Variants in PGM5 observed in about 807,000 individuals in gnomAD.
PGM5 encodes phosphoglucomutase 5, also known as phosphoglucomutase-like protein 5.
In PGM5, 23 loss-of-function variants were observed where a neutral mutation model predicts 59.2. The ratio of observed to expected loss-of-function variants is 0.39; its 90% confidence interval spans 0.28 to 0.55. The LOEUF is 0.55. Among genes scored for constraint, PGM5 ranks in the 20% least tolerant of loss-of-function variants. PGM5 has a pLI of 0.66. For missense variants in PGM5, 574 were observed against 748.3 expected, an observed-to-expected ratio of 0.77 and a Z score of 2.72; for synonymous variants, 214 against 286.0, an observed-to-expected ratio of 0.75 and a Z score of 2.54.
intron 6 of PGM5, among the ~76,000 whole-genome samples, chr9:68,461,485 T>C (rs1349240105): frequency 2.1e-4 from 32 of 152,210 alleles, no homozygotes; most frequent in Admixed American, 2.0e-3. Context: ...TCAATATTCA[T>C]GTTGGAACTT....
At chr9:68,510,774 A>G (rs1824736643) in intron 10 of PGM5, among the ~76,000 whole-genome samples, 1 of 152,208 alleles carries the variant, frequency 6.6e-6, no homozygotes, top group Non-Finnish European at 1.5e-5. Flanking sequence ...TTAGGAAGAT[A>G]AAAGTTACAG....
At chr9:68,481,563 C>T (rs952964658) in intron 8 of PGM5, among the ~76,000 whole-genome samples, 4 of 152,150 alleles carry the variant, frequency 2.6e-5, no homozygotes, top group African/African-American at 7.2e-5. Flanking sequence ...CTAGTGAGAT[C>T]GCTTTGAGTC....
At chr9:68,493,213 C>T (rs2132100624) in intron 9 of PGM5, among the ~76,000 whole-genome samples, 1 of 152,282 alleles carries the variant, frequency 6.6e-6, no homozygotes, top group South Asian at 2.1e-4. Flanking sequence ...TATCTGGCAG[C>T]TCTGTGTGTA....
chr9:68,422,645 G>A (rs1156509787), intron 6 of PGM5, among the ~76,000 whole-genome samples: 2 of 152,002 alleles, frequency 1.3e-5, no homozygotes, highest in African/African-American at 2.4e-5. Flanking sequence ...TATTGTTGAT[G>A]AGGTAATTAA....
intron 10 of PGM5, among the ~76,000 whole-genome samples, chr9:68,521,087 A>G (rs1824894052): frequency 6.6e-6 from 1 of 152,234 alleles, no homozygotes; most frequent in Non-Finnish European, 1.5e-5. Flanking sequence ...GAGGTTAAAA[A>G]TCACAGTACT....
chr9:68,486,915 T>A (rs1824305528), intron 9 of PGM5, among the ~76,000 whole-genome samples: 1 of 152,220 alleles, frequency 6.6e-6, no homozygotes, highest in Non-Finnish European at 1.5e-5. Context: ...TTCCAGTTTC[T>A]CCACACCTTT....
At chr9:68,361,220 T>A (rs1280123767) in intron 1 of PGM5, among the ~76,000 whole-genome samples, 1 of 152,230 alleles carries the variant, frequency 6.6e-6, no homozygotes, top group Admixed American at 6.5e-5. Context: ...TAGTTTCTTC[T>A]AATCAAGGGA....
intron 10 of PGM5, among the ~76,000 whole-genome samples, chr9:68,499,949 A>T (rs1824544865): frequency 6.6e-6 from 1 of 152,142 alleles, no homozygotes. Context: ...AAATAACACA[A>T]CCATAAGCCT....
At chr9:68,428,410 A>G (rs1823282696) in intron 6 of PGM5, among the ~76,000 whole-genome samples, 1 of 152,208 alleles carries the variant, frequency 6.6e-6, no homozygotes, top group African/African-American at 2.4e-5. Flanking sequence ...GGCTACCTGT[A>G]GATGGTTTCA....
At chr9:68,413,800 C>T (rs186102743) in intron 6 of PGM5, among the ~76,000 whole-genome samples, 2 of 152,310 alleles carry the variant, frequency 1.3e-5, no homozygotes, top group African/African-American at 4.8e-5. Context: ...AACAAAACAA[C>T]ACAGCCATAT....
intron 3 of PGM5, among the ~76,000 whole-genome samples, chr9:68,384,947 C>T (rs1434887288): frequency 6.6e-6 from 1 of 151,674 alleles, no homozygotes; most frequent in Non-Finnish European, 1.5e-5. Flanking sequence ...TTTTCCAAGC[C>T]ATAACCAAGC....
intron 6 of PGM5, among the ~76,000 whole-genome samples, chr9:68,453,543 C>G (rs1029751533): frequency 6.6e-6 from 1 of 152,124 alleles, no homozygotes; most frequent in Non-Finnish European, 1.5e-5. Flanking sequence ...AGGAGTTTTG[C>G]CTAGGGTGGT....
chr9:68,491,563 AC>A (rs1554687869), intron 9 of PGM5, among the ~76,000 whole-genome samples: 2 of 152,252 alleles, frequency 1.3e-5, no homozygotes, highest in African/African-American at 4.8e-5. Context: ...TCTGTATTGC[AC>A]TATGGCTTGT....
At chr9:68,446,048 T>C (rs1823606158) in intron 6 of PGM5, among the ~76,000 whole-genome samples, 1 of 152,222 alleles carries the variant, frequency 6.6e-6, no homozygotes, top group Non-Finnish European at 1.5e-5. Context: ...AAATGTAGCA[T>C]GGATGCCAAG....
At chr9:68,387,777 A>C (rs1439898915) in intron 4 of PGM5, among the ~76,000 whole-genome samples, 189 bp downstream of exon 4, 1 of 151,988 alleles carries the variant, frequency 6.6e-6, no homozygotes, top group Non-Finnish European at 1.5e-5. Flanking sequence ...ATGAAAACAA[A>C]AGTTGAACAA....
chr9:68,361,907 G>A (rs1458154772), intron 1 of PGM5, among the ~76,000 whole-genome samples: 1 of 151,932 alleles, frequency 6.6e-6, no homozygotes, highest in African/African-American at 2.4e-5. Flanking sequence ...ATGATCGCAA[G>A]GTTAGGGCGA....
intron 6 of PGM5, among the ~76,000 whole-genome samples, chr9:68,411,205 T>G (rs1822923304): frequency 1.3e-5 from 2 of 152,012 alleles, no homozygotes; most frequent in Non-Finnish European, 2.9e-5. Flanking sequence ...TGATTTTGGG[T>G]AGGCAACTGT....
chr9:68,427,713 T>C (rs1226310589), intron 6 of PGM5, among the ~76,000 whole-genome samples: 1 of 152,252 alleles, frequency 6.6e-6, no homozygotes, highest in Non-Finnish European at 1.5e-5. Context: ...AAAGTTTTCC[T>C]TGGCCTCAGA....
chr9:68,498,873 G>C (rs879989467), intron 9 of PGM5: 20 of 243,642 alleles, frequency 8.2e-5, no homozygotes, highest in Admixed American at 7.6e-4. Flanking sequence ...GATTTACAAG[G>C]GACAAACTTT....
Sources: gnomAD v4.1 joint callset for allele counts (sites outside exome capture counted in the v4.1 genomes callset) on GRCh38, gnomAD v4.1.1 for gene constraint, MANE v1.5 for transcripts, NCBI Gene and HGNC (gene_info 2026-07-23, HGNC 2026-07-21) for gene names.